The following PIK3CG variants were observed in gnomAD, a reference collection of about 807,000 sequenced individuals.
The protein encoded by PIK3CG is phosphatidylinositol-4,5-bisphosphate 3-kinase catalytic subunit gamma, also known as phosphatidylinositol 4,5-bisphosphate 3-kinase catalytic subunit gamma isoform.
In PIK3CG, 55 loss-of-function variants were observed where a neutral mutation model predicts 102.3. The observed-to-expected ratio is 0.54, with a 90% CI of 0.43 to 0.67. The LOEUF is 0.67. Ranked by LOEUF, PIK3CG falls within the 30% of genes least tolerant of loss-of-function variation. The pLI, the probability that PIK3CG is intolerant of heterozygous loss-of-function variation, is 0.00. For missense variants in PIK3CG, 1,258 were observed against 1,391.8 expected (o/e 0.90, Z 1.53); for synonymous variants, 552 against 540.0 (o/e 1.02, Z -0.31).
At chr7:106,871,208 C>T (rs1790519192) in intron 2 of PIK3CG, among the ~76,000 whole-genome samples, 1 of 152,032 alleles carries the variant, frequency 6.6e-6, no homozygotes, top group Admixed American at 6.5e-5. Flanking sequence ...AAAATGGTCT[C>T]CTAGTTGAGA....
chr7:106,889,156 T>A (rs1423337212), intron 10 of PIK3CG, among the ~76,000 whole-genome samples: 1 of 152,162 alleles, frequency 6.6e-6, no homozygotes, highest in Non-Finnish European at 1.5e-5. Flanking sequence ...CCAACTCCAC[T>A]TACACCTGTT....
rs191063844 is a variant in PIK3CG, at chr7:106,877,540, G to T, written c.2392-1979G>T. Among the ~76,000 whole-genome samples, 250 of 152,326 alleles carry T rather than the reference G, an allele frequency of 1.6e-3. 1 individual carries two copies. Among genetic ancestry groups the T allele is most frequent in the Middle Eastern group, 0.01 (3 of 294 alleles). ...CAATTTGAGTTAATTTTTGTGTACA[G>T]TGTGAGGTGAAGGTCAGAGTTCATT... On this transcript the variant is annotated intron_variant, in intron 5 of 10. Transcript: ENST00000496166. The surrounding 1 kb of genome is among the most constrained non-coding windows in gnomAD (Gnocchi z 4.5).
At position 106,894,459 on chromosome 7, in the gene PIK3CG, T is replaced by C. The variant is rs1791353029; in HGVS notation, c.3030+8167T>C. On this transcript the variant is annotated intron_variant, in intron 10 of 10. Transcript: ENST00000496166. This position sits in a 1 kb window ranked among gnomAD's most constrained non-coding sequence, Gnocchi z 4.4. ...AGATAAAAATCCTAATTCAAACTCA[T>C]CAAATGCATGGCCAAGTACCAGACA... Among the ~76,000 whole-genome samples the C allele has an allele frequency of 6.6e-6, 1 of 152,206 alleles. No individual in the cohort carries two copies. Among genetic ancestry groups the C allele is most frequent in the African/African-American group, 2.4e-5 (1 of 41,450 alleles).
Position 106,884,666 on chromosome 7 carries a change from G to A in PIK3CG, c.2872+400G>A, listed in dbSNP as rs1177392152. On this transcript the variant is annotated intron_variant, in intron 9 of 10. Coordinates refer to ENST00000496166, the MANE Select transcript of PIK3CG (RefSeq NM_001282426.2). The surrounding 1 kb of genome is among the most constrained non-coding windows in gnomAD (Gnocchi z 4.2). ...GGACAGGGGTGGGGGAGCAAGGATG[G>A]TTTCAGGATCATTCAAGAGCATTAC... Among the ~76,000 whole-genome samples, 2 of 152,126 alleles carry A rather than the reference G, an allele frequency of 1.3e-5. No individual in the cohort carries two copies. The highest frequency in any genetic ancestry group is 4.8e-5 in the African/African-American group (2 of 41,436).
chr7:106,872,231 C>G lies in PIK3CG; in HGVS notation c.1996-306C>G, dbSNP rs1388242905. Among the ~76,000 whole-genome samples, 2 of 152,240 alleles carry G rather than the reference C, an allele frequency of 1.3e-5. No homozygotes were observed. Among genetic ancestry groups the G allele is most frequent in the East Asian group, 3.9e-4 (2 of 5,186 alleles). On this transcript the variant is annotated intron_variant, in intron 2 of 10. Transcript: ENST00000496166. This position sits in a 1 kb window ranked among gnomAD's most constrained non-coding sequence, Gnocchi z 5.3. ...ACCCCTCCAACAAAACCAGTAAGAC[C>G]TAATTAGAGCAAATTCCCTCACCTC...
chr7:106,872,849 C>A lies in PIK3CG; in HGVS notation c.2198C>A (p.Thr733Asn), dbSNP rs148158603. ...GGCACAGCCATGCTGCACGACTTTA[C>A]CCAACAAGTCCAAGTAATCGAGATG... ...GCGTAMLHDF[T>N]QQVQVIEMLQ... Residue 733 changes from threonine to asparagine, a missense_variant, in exon 4 of 11, where the codon ACC (threonine) becomes AAC (asparagine). Transcript: ENST00000496166. The surrounding 1 kb of genome is among the most constrained non-coding windows in gnomAD (Gnocchi z 5.3). 1.2e-5 allele frequency: 20 copies of A among 1,614,022 alleles called. No homozygotes were observed. The highest frequency in any genetic ancestry group is 1.5e-5 in the Non-Finnish European group (18 of 1,179,996).
chr7:106,884,108 C>G lies in PIK3CG; in HGVS notation c.2761-47C>G. 7.4e-7 allele frequency: 1 copy of G among 1,346,240 alleles called. No individual in the cohort carries two copies. Among genetic ancestry groups the G allele is most frequent in the Non-Finnish European group, 1.1e-6 (1 of 943,464 alleles). 83.4% of individuals were successfully genotyped at this position (1,346,240 alleles called of 1,614,324 possible). ...AGAAGTCATTTGTAGATTCATGATG[C>G]TTTTTGTAGTTAGAAGACAACTAAT... On this transcript the variant is annotated intron_variant, in intron 8 of 10. Transcript: ENST00000496166. This position sits in a 1 kb window ranked among gnomAD's most constrained non-coding sequence, Gnocchi z 4.2.
Position 106,891,558 on chromosome 7 carries a change from A to C in PIK3CG, c.3030+5266A>C, listed in dbSNP as rs1791264466. On this transcript the variant is annotated intron_variant, in intron 10 of 10. Transcript: ENST00000496166. This position sits in a 1 kb window ranked among gnomAD's most constrained non-coding sequence, Gnocchi z 4.4. ...GTACATTCAATACAGGACAGTGGAT[A>C]AAGGGCAGGAACAACTCGTTCTTTT... is the stretch of plus-strand genomic sequence containing the variant. 6.6e-6 allele frequency among the ~76,000 whole-genome samples: 1 copy of C among 152,206 alleles called. No individual in the cohort carries two copies. The highest frequency in any genetic ancestry group is 2.1e-4 in the South Asian group (1 of 4,830).
Position 106,887,933 on chromosome 7 carries a change from CTTTTTTTTTTTTTTTT to C in PIK3CG, c.3030+1652_3030+1667del, listed in dbSNP as rs71156344. On this transcript the variant is annotated intron_variant, in intron 10 of 10. Transcript: ENST00000496166. ...GAATTTGGCCTCATTGACGACTCTC[CTTTTTTTTTTTTTTTT>C]TTTTTTTTTTGAGACGGAGTCTTCC... 2.0e-3 allele frequency among the ~76,000 whole-genome samples: 124 copies of C among 60,622 alleles called. 3 individuals are homozygous for C. In the South Asian group the frequency reaches 0.083, roughly 41 times the overall value. 39.8% of individuals were successfully genotyped at this position (60,622 alleles called of 152,430 possible).
rs2116551458 is a variant in PIK3CG, at chr7:106,884,188, T to C, written c.2794T>C (p.Cys932Arg). The C allele has an allele frequency of 6.2e-7, 1 of 1,613,936 alleles. No homozygotes were observed. The highest frequency in any genetic ancestry group is 8.5e-7 in the Non-Finnish European group (1 of 1,179,878). ...QAAVERFVYS[C>R]AGYCVATFVL... ...AGCAGTGGAGAGATTTGTTTATTCCTGTGCAGGCTACTGTGTGGCAACCTT... is the reference window on the plus strand; with the variant it reads ...AGCAGTGGAGAGATTTGTTTATTCCCGTGCAGGCTACTGTGTGGCAACCTT... Residue 932 changes from cysteine (C) to arginine (R), a missense_variant, in exon 9 of 11, where the codon TGT becomes CGT. Physicochemically the swap from Cys to Arg is radical, Grantham distance 180. Coordinates refer to ENST00000496166, the MANE Select transcript of PIK3CG (RefSeq NM_001282426.2). This position sits in a 1 kb window ranked among gnomAD's most constrained non-coding sequence, Gnocchi z 4.2.
rs760897054 is a variant in PIK3CG at position 106,868,182 on chromosome 7, C to T, written c.621C>T (p.Leu207=). The T allele has an allele frequency of 1.0e-4, 161 of 1,612,474 alleles. 1 individual carries two copies. The Middle Eastern group carries it at 2.5e-3, about 25-fold the overall frequency. The change falls in exon 2 of 11, where the codon CTC becomes CTT. Residue 207 remains leucine (L), a synonymous_variant. Coordinates refer to ENST00000496166, the MANE Select transcript of PIK3CG (RefSeq NM_001282426.2). This position sits in a 1 kb window ranked among gnomAD's most constrained non-coding sequence, Gnocchi z 6.2. ...AMHPWVTSKP[L]PEYLWKKIAN... is the part of the protein sequence containing the mutation. The stretch of plus-strand genomic sequence containing the variant: ...ACCCGTGGGTGACGTCCAAGCCCCT[C>T]CCGGAGTACCTGTGGAAGAAGATTG...
chr7:106,867,824 A>T lies in PIK3CG; in HGVS notation c.263A>T (p.Tyr88Phe). Residue 88 changes from tyrosine to phenylalanine, a missense_variant, in exon 2 of 11, where the codon TAC (tyrosine) becomes TTC (phenylalanine). Around this residue, in one of 2 missense-constraint regions of PIK3CG, gnomAD observed 832 missense variants for 787.5 expected, o/e 1.06. Transcript: ENST00000496166. This position sits in a 1 kb window ranked among gnomAD's most constrained non-coding sequence, Gnocchi z 5.1. ...GAGACCAGCGTGGCGGCGGACTTCT[A>T]CCACCGGCTGGGACCGCATCACTTC... ...ALETSVAADF[Y>F]HRLGPHHFLL... 6.2e-7 allele frequency: 1 copy of T among 1,612,536 alleles called. No individual in the cohort carries two copies. Among genetic ancestry groups the T allele is most frequent in the Non-Finnish European group, 8.5e-7 (1 of 1,179,948 alleles).
intron 5 of PIK3CG, among the ~76,000 whole-genome samples, chr7:106,878,962 C>T (rs1790851955): frequency 6.6e-6 from 1 of 152,154 alleles, no homozygotes; most frequent in African/African-American, 2.4e-5. Context: ...ACTGCCAAGC[C>T]ACATTTCCCC....
Position 106,867,586 on chromosome 7 carries a change from C to T in PIK3CG, c.25C>T (p.Pro9Ser), listed in dbSNP as rs746307759. 1 of 1,594,244 alleles carries T rather than the reference C, an allele frequency of 6.3e-7. No individual in the cohort carries two copies. The highest frequency in any genetic ancestry group is 8.5e-7 in the Non-Finnish European group (1 of 1,170,904). MELENYKQPVVLREDNCRR... is the reference protein window; with the variant it reads MELENYKQSVVLREDNCRR... ...CATGGAGCTGGAGAACTATAAACAGCCCGTGGTGCTGAGAGAGGACAACTG... is the reference window on the plus strand; with the variant it reads ...CATGGAGCTGGAGAACTATAAACAGTCCGTGGTGCTGAGAGAGGACAACTG... Residue 9 changes from proline (P) to serine (S), a missense_variant, in exon 2 of 11, where the codon CCC becomes TCC. This residue lies in a region of PIK3CG where 832 missense variants were observed against 787.5 expected (regional missense o/e 1.06). Coordinates refer to ENST00000496166, the MANE Select transcript of PIK3CG (RefSeq NM_001282426.2). The surrounding 1 kb of genome is among the most constrained non-coding windows in gnomAD (Gnocchi z 5.1).
rs1790463243 is a variant in PIK3CG at position 106,869,653 on chromosome 7, T to C, written c.1995+97T>C. The C allele has an allele frequency of 5.0e-6, 5 of 995,154 alleles. No individual in the cohort carries two copies. In the African/African-American group the frequency reaches 6.5e-5, roughly 13 times the overall value. The allele number at this position is 995,154 out of a possible 1,614,324, so 61.6% of individuals were successfully genotyped here. On this transcript the variant is annotated intron_variant, in intron 2 of 10. Transcript: ENST00000496166. This position sits in a 1 kb window ranked among gnomAD's most constrained non-coding sequence, Gnocchi z 5.3. ...TTCAGTTGTCATCAAATGCCCTTTG[T>C]TCAGAGCTTCATCATCGGCAAAAGT...
At position 106,867,652 on chromosome 7, in the gene PIK3CG, A is replaced by G. The variant is rs2116418239; in HGVS notation, c.91A>G (p.Ser31Gly). The change falls in exon 2 of 11, where the codon AGC becomes GGC. Residue 31 changes from serine (S) to glycine (G), a missense_variant. Ser to Gly is a moderately conservative substitution (Grantham distance 56). This residue lies in a region of PIK3CG where 832 missense variants were observed against 787.5 expected (regional missense o/e 1.06). Coordinates refer to ENST00000496166, the MANE Select transcript of PIK3CG (RefSeq NM_001282426.2). This position sits in a 1 kb window ranked among gnomAD's most constrained non-coding sequence, Gnocchi z 5.1. The part of the protein sequence containing the change: ...RRMKPRSAAA[S>G]LSSMELIPIE... ...GATGAAGCCGCGCAGTGCTGCGGCC[A>G]GCCTGTCCTCCATGGAGCTCATCCC... 1 of 1,613,378 alleles carries G rather than the reference A, an allele frequency of 6.2e-7. No homozygotes were observed. Among genetic ancestry groups the G allele is most frequent in the East Asian group, 2.2e-5 (1 of 44,880 alleles).
chr7:106,874,218 G>A lies in PIK3CG; in HGVS notation c.2288-482G>A, dbSNP rs187801124. On this transcript the variant is annotated intron_variant, in intron 4 of 10. Transcript: ENST00000496166. This position sits in a 1 kb window ranked among gnomAD's most constrained non-coding sequence, Gnocchi z 4.3. ...ATTTTGCCTTTAGAATTTTAAGGCTGTCACATCCATCTTCTCTACTTCTCT... is the reference window on the plus strand; with the variant it reads ...ATTTTGCCTTTAGAATTTTAAGGCTATCACATCCATCTTCTCTACTTCTCT... Among the ~76,000 whole-genome samples the A allele has an allele frequency of 2.5e-3, 376 of 152,284 alleles. 3 individuals carry two copies. Among genetic ancestry groups the A allele is most frequent in the African/African-American group, 8.4e-3 (348 of 41,546 alleles).
At chr7:106,886,361 C>A (rs2116563920) in intron 10 of PIK3CG, 69 bp downstream of exon 10, 2 of 1,519,300 alleles carry the variant, frequency 1.3e-6, no homozygotes, top group Non-Finnish European at 9.0e-7. Context: ...CACTCCGCAG[C>A]CTTCACCTCT....
rs761336198 is a variant in PIK3CG at position 106,879,700 on chromosome 7, A to T, written c.2538+35A>T. 6.5e-7 allele frequency: 1 copy of T among 1,533,954 alleles called. No homozygotes were observed. The highest frequency in any genetic ancestry group is 9.0e-7 in the Non-Finnish European group (1 of 1,111,086). ...TTTTAAGATTGTTTTCAATTATCTG[A>T]AAACAATTCTATATTACATCAAAAA... On this transcript the variant is annotated intron_variant, in intron 6 of 10. Coordinates refer to ENST00000496166, the MANE Select transcript of PIK3CG (RefSeq NM_001282426.2). This position sits in a 1 kb window ranked among gnomAD's most constrained non-coding sequence, Gnocchi z 4.9.
Sources: allele counts gnomAD v4.1 joint callset (sites outside exome capture counted in the v4.1 genomes callset), GRCh38; gene constraint gnomAD v4.1.1; regional missense constraint gnomAD v4.1.1; non-coding constraint Gnocchi (gnomAD v3.1); transcripts MANE v1.5; gene names NCBI Gene and HGNC (gene_info 2026-07-23, HGNC 2026-07-21).